Variants in SLA observed in about 807,000 individuals in gnomAD.
SLA encodes the protein src-like-adapter.
In SLA, 16 loss-of-function variants were observed where a neutral mutation model predicts 30.3. That is an observed-to-expected ratio of 0.53 (90% CI 0.36 to 0.80). The LOEUF is 0.80. Ranked by LOEUF, SLA falls within the 30% of genes least tolerant of loss-of-function variation. The pLI, the probability that SLA is intolerant of heterozygous loss-of-function variation, is 0.01. For missense variants in SLA, 310 were observed against 345.2 expected, an observed-to-expected ratio of 0.90 and a Z score of 0.81; for synonymous variants, 143 against 137.8, an observed-to-expected ratio of 1.04 and a Z score of -0.26.
chr8:133,101,085 G>A (rs1849182575), intron 1 of SLA, among the ~76,000 whole-genome samples: 1 of 152,106 alleles, frequency 6.6e-6, no homozygotes, highest in South Asian at 2.1e-4. Flanking sequence ...GCAGGAGTGG[G>A]GAGGGTGGCG....
chr8:133,067,122 G>T (rs567000301), intron 2 of SLA, among the ~76,000 whole-genome samples: 223 of 152,248 alleles, frequency 1.5e-3, no homozygotes, highest in Middle Eastern at 6.8e-3. Flanking sequence ...CTTAGCATCC[G>T]GTGGTCTCCC....
chr8:133,075,219 G>C, intron 1 of SLA, 89 bp from the exon 2 acceptor site: 1 of 730,790 alleles, frequency 1.4e-6, no homozygotes, highest in Non-Finnish European at 1.7e-6. Flanking sequence ...TCAGAAGCTT[G>C]GTCTTCTTTC....
chr8:133,087,299 C>G lies in SLA; in HGVS notation c.-318-12169G>C, dbSNP rs539895325. On this transcript the variant is annotated intron_variant, in intron 1 of 8. Transcript: ENST00000338087. Reference sequence around the variant, plus strand: ...GTTTCCCCTTTAAATAAGCTAAGGTCGCACTGATGGATGTAGAGCAGTATA... The same window carrying G: ...GTTTCCCCTTTAAATAAGCTAAGGTGGCACTGATGGATGTAGAGCAGTATA... Among the ~76,000 whole-genome samples, 48 of 152,234 alleles carry G rather than the reference C, an allele frequency of 3.2e-4. No individual in the cohort carries two copies. The East Asian group carries it at 8.7e-3, about 28-fold the overall frequency.
Position 133,038,397 on chromosome 8 carries a change from T to C in SLA, c.*127A>G, listed in dbSNP as rs1308287485. 2.8e-6 allele frequency: 2 copies of C among 724,598 alleles called. No homozygotes were observed. The highest frequency in any genetic ancestry group is 4.9e-6 in the Non-Finnish European group (2 of 411,288). The allele number at this position is 724,598 out of a possible 1,614,324, so 44.9% of individuals were successfully genotyped here. A position where few individuals can be genotyped will look rare whatever the true frequency, so the allele number is the denominator to read the frequency against. On this transcript the variant is annotated 3_prime_UTR_variant, in exon 9 of 9. Transcript: ENST00000338087. ...GAAGATGCGAATTTGAGTCTCCATGTGGCTTCTCTTGGCTTCTAAAATACG... is the reference window on the plus strand; with the variant it reads ...GAAGATGCGAATTTGAGTCTCCATGCGGCTTCTCTTGGCTTCTAAAATACG...
At chr8:133,087,794 G>A (rs548700882) in intron 1 of SLA, 1 of 152,316 alleles carries the variant, frequency 6.6e-6, no homozygotes, top group South Asian at 2.1e-4. Flanking sequence ...GGCAGCAGGA[G>A]GTACCCTGGG....
intron 1 of SLA, among the ~76,000 whole-genome samples, chr8:133,081,588 GA>G (rs35336483): frequency 3.3e-5 from 5 of 151,364 alleles, no homozygotes; most frequent in South Asian, 2.1e-4. Context: ...GGAAGAAGAA[GA>G]AAAAAAAAGT....
At chr8:133,043,233 G>A (rs762791000) in intron 7 of SLA, among the ~76,000 whole-genome samples, 6 of 152,074 alleles carry the variant, frequency 3.9e-5, no homozygotes, top group South Asian at 4.1e-4. Context: ...GTTAGATTTC[G>A]GTATTTTTGG....
At chr8:133,072,574 G>A (rs1264327321) in intron 2 of SLA, among the ~76,000 whole-genome samples, 2 of 152,198 alleles carry the variant, frequency 1.3e-5, no homozygotes, top group African/African-American at 2.4e-5. Context: ...GGAACTTTAA[G>A]TTTCAGCCTC....
chr8:133,051,917 T>C (rs1840477242), intron 3 of SLA, among the ~76,000 whole-genome samples: 1 of 152,234 alleles, frequency 6.6e-6, no homozygotes, highest in Non-Finnish European at 1.5e-5. Context: ...CGGCAACTAC[T>C]TACTGAGCAC....
chr8:133,041,685 G>A (rs1169809061), intron 7 of SLA, among the ~76,000 whole-genome samples: 1 of 151,800 alleles, frequency 6.6e-6, no homozygotes, highest in Non-Finnish European at 1.5e-5. Flanking sequence ...TTTTGACAAA[G>A]AGCAAAAGAA....
intron 2 of SLA, among the ~76,000 whole-genome samples, chr8:133,066,289 G>A (rs936274885): frequency 2.1e-4 from 28 of 133,310 alleles, no homozygotes; most frequent in Non-Finnish European, 3.0e-5. Flanking sequence ...TCTCGCCACT[G>A]CACTCCAACC....
chr8:133,095,237 G>A (rs1848226995), intron 1 of SLA: 1 of 1,614,010 alleles, frequency 6.2e-7, no homozygotes. Flanking sequence ...GTTGGGAAGG[G>A]ACATTCTCTG....
rs532801976 is a variant in SLA at position 133,092,404 on chromosome 8, G to C, written c.-319+10149C>G. The stretch of plus-strand genomic sequence containing the variant: ...AGTGGAAACTCCTCGCCATTGAATA[G>C]CTAGGTCAGATTTAGATAAAGCCGG... On this transcript the variant is annotated intron_variant, in intron 1 of 8. Transcript: ENST00000338087. Among the ~76,000 whole-genome samples, 19 of 152,348 alleles carry C rather than the reference G, an allele frequency of 1.2e-4. No individual in the cohort carries two copies. The South Asian group carries it at 3.7e-3, about 30-fold the overall frequency.
chr8:133,084,030 A>T (rs77712550), intron 1 of SLA, among the ~76,000 whole-genome samples: 1 of 152,106 alleles, frequency 6.6e-6, no homozygotes, highest in South Asian at 2.1e-4. Context: ...TCCTGTGCTC[A>T]TGAGGCCATT....
intron 2 of SLA, chr8:133,060,477 A>G (rs1033271363): frequency 1.0e-5 from 10 of 990,396 alleles, no homozygotes; most frequent in Non-Finnish European, 1.4e-5. Flanking sequence ...CTTGCTGAGG[A>G]TGGTAAGCAG....
chr8:133,067,850 GAGAGAA>G (rs1196826303), intron 2 of SLA, among the ~76,000 whole-genome samples: 7 of 116,954 alleles, frequency 6.0e-5, no homozygotes, highest in East Asian at 2.8e-4. Flanking sequence ...GACAGAGAGA[GAGAGAA>G]AGAAAGAAAG....
chr8:133,063,333 C>T (rs1842650418), intron 2 of SLA, among the ~76,000 whole-genome samples: 1 of 151,654 alleles, frequency 6.6e-6, no homozygotes, highest in Non-Finnish European at 1.5e-5. Context: ...CAGGCTCCCA[C>T]CACAATGTCT....
intron 3 of SLA, among the ~76,000 whole-genome samples, chr8:133,054,801 C>T (rs985234419): frequency 6.6e-6 from 1 of 152,172 alleles, no homozygotes; most frequent in Non-Finnish European, 1.5e-5. Context: ...AACGAATCCA[C>T]AAAGGGGAGG....
intron 2 of SLA, among the ~76,000 whole-genome samples, chr8:133,062,664 GC>G (rs1476060412): frequency 6.6e-6 from 1 of 152,202 alleles, no homozygotes; most frequent in Admixed American, 6.5e-5. Context: ...ACATGCAGAG[GC>G]CGCTCTGCAC....
Sources: gnomAD v4.1 joint callset for allele counts (sites outside exome capture counted in the v4.1 genomes callset) on GRCh38, gnomAD v4.1.1 for gene constraint, MANE v1.5 for transcripts, NCBI Gene and HGNC (gene_info 2026-07-23, HGNC 2026-07-21) for gene names.